CWC22: variants seen among roughly 807,000 people sequenced by gnomAD.
The protein encoded by CWC22 is pre-mRNA-splicing factor CWC22 homolog.
CWC22 carries 53 observed loss-of-function variants against 117.2 expected under a neutral mutation model. The observed-to-expected ratio is 0.45, with a 90% CI of 0.36 to 0.57. The LOEUF (loss-of-function observed/expected upper bound fraction) is 0.57, where lower values mean the gene tolerates loss of function less well. Ranked by LOEUF, CWC22 falls within the 20% of genes least tolerant of loss-of-function variation. The pLI, the probability that CWC22 is intolerant of heterozygous loss-of-function variation, is 0.00. For missense variants in CWC22, 980 were observed against 1,068.8 expected (o/e 0.92, Z 1.16); for synonymous variants, 360 against 355.6 (o/e 1.01, Z -0.14).
intron 11 of CWC22, among the ~76,000 whole-genome samples, chr2:179,969,033 A>T (rs1027034085): frequency 6.6e-6 from 1 of 152,196 alleles, no homozygotes; most frequent in Non-Finnish European, 1.5e-5. Flanking sequence ...GGAGTTGCCA[A>T]TAATTTTCAA....
chr2:179,983,842 C>G (rs2105543817), intron 4 of CWC22, among the ~76,000 whole-genome samples: 1 of 152,228 alleles, frequency 6.6e-6, no homozygotes, highest in East Asian at 1.9e-4. Context: ...TGTGAATATA[C>G]ATGTTCCAAG....
Position 179,970,860 on chromosome 2 carries a change from A to G in CWC22, c.941-4T>C. On this transcript the variant is annotated splice_region_variant and splice_polypyrimidine_tract_variant and intron_variant, in intron 9 of 19. Transcript: ENST00000410053. Reference sequence around the variant, plus strand: ...TTTCGAAGGCGTTCAAATATAGCTAAAAGTTAACAGAAAGAAAAGACAATA... The same window carrying G: ...TTTCGAAGGCGTTCAAATATAGCTAGAAGTTAACAGAAAGAAAAGACAATA... The G allele has an allele frequency of 6.2e-7, 1 of 1,612,010 alleles. No homozygotes were observed. The highest frequency in any genetic ancestry group is 8.5e-7 in the Non-Finnish European group (1 of 1,178,554).
chr2:179,978,378 G>C, intron 5 of CWC22, 60 bp from the exon 6 acceptor site: 1 of 1,367,616 alleles, frequency 7.3e-7, no homozygotes. Context: ...GAAGCTATAA[G>C]AACATAAAAA....
At position 179,954,284 on chromosome 2, in the gene CWC22, T is replaced by C; in HGVS notation, c.1610A>G (p.His537Arg). The change falls in exon 16 of 20, where the codon CAT becomes CGT. Residue 537 changes from histidine to arginine, a missense_variant. Physicochemically the swap from His to Arg is conservative, Grantham distance 29. Coordinates refer to ENST00000410053, the MANE Select transcript of CWC22 (RefSeq NM_020943.3). ...GIFKEQYDTIHRLETNKLRNV... is the reference protein window; with the variant it reads ...GIFKEQYDTIRRLETNKLRNV... Reference sequence around the variant, plus strand: ...TCGCAACTTGTTTGTTTCCAAGCGATGGATGGTATCATACTGTTCTTTGAA... The same window carrying C: ...TCGCAACTTGTTTGTTTCCAAGCGACGGATGGTATCATACTGTTCTTTGAA... 6.2e-7 allele frequency: 1 copy of C among 1,610,838 alleles called. No individual in the cohort carries two copies. Among genetic ancestry groups the C allele is most frequent in the Non-Finnish European group, 8.5e-7 (1 of 1,177,560 alleles).
At chr2:179,969,683 A>G (rs997275315) in intron 11 of CWC22, among the ~76,000 whole-genome samples, 1 of 152,186 alleles carries the variant, frequency 6.6e-6, no homozygotes, top group Admixed American at 6.5e-5. Flanking sequence ...TTTAATACAA[A>G]CTTTTGGGGT....
chr2:179,958,398 T>C (rs987946909), intron 14 of CWC22, among the ~76,000 whole-genome samples: 2 of 151,554 alleles, frequency 1.3e-5, no homozygotes, highest in South Asian at 2.1e-4. Context: ...TAGAGCAATG[T>C]AATATGTGCT....
intron 11 of CWC22, among the ~76,000 whole-genome samples, chr2:179,967,198 C>T (rs915398687): frequency 3.3e-5 from 5 of 152,194 alleles, no homozygotes; most frequent in African/African-American, 1.2e-4. Flanking sequence ...ATTACTAAAG[C>T]TGTGCCCACT....
chr2:179,950,703 G>T lies in CWC22; in HGVS notation c.1949C>A (p.Thr650Lys), dbSNP rs764144379. 6.2e-7 allele frequency: 1 copy of T among 1,613,542 alleles called. No individual in the cohort carries two copies. Among genetic ancestry groups the T allele is most frequent in the East Asian group, 2.2e-5 (1 of 44,874 alleles). The change falls in exon 19 of 20, where the codon ACA (threonine) becomes AAA (lysine). Residue 650 changes from threonine to lysine, a missense_variant. This residue lies in a region of CWC22 where 306 missense variants were observed against 296.8 expected (regional missense o/e 1.03). Coordinates refer to ENST00000410053, the MANE Select transcript of CWC22 (RefSeq NM_020943.3). Reference protein sequence around the residue: ...TDELREHLKNTPKVIVAQKPD... With the variant: ...TDELREHLKNKPKVIVAQKPD... ...TTTCTGCGCCACAATGACCTTTGGT[G>T]TATTTTTGAGATGCTCCCGCAGTTC...
At position 179,945,596 on chromosome 2, in the gene CWC22, G is replaced by C. The variant is rs779803298; in HGVS notation, c.2260C>G (p.Gln754Glu). The change falls in exon 20 of 20, where the codon CAG becomes GAG. Residue 754 changes from glutamine (Q) to glutamate (E), a missense_variant. Physicochemically the swap from Gln to Glu is conservative, Grantham distance 29. Coordinates refer to ENST00000410053, the MANE Select transcript of CWC22 (RefSeq NM_020943.3). ...QKERRQEHGH[Q>E]ETRTERERRS... ...CTTTCTCTCTCAGTCCTTGTTTCCT[G>C]GTGCCCGTGTTCTTGTCTTCTTTCT... is the stretch of plus-strand genomic sequence containing the variant. 6.2e-7 allele frequency: 1 copy of C among 1,613,390 alleles called. No homozygotes were observed. The highest frequency in any genetic ancestry group is 8.5e-7 in the Non-Finnish European group (1 of 1,179,642).
At chr2:180,004,270 G>A (rs1306354865) in intron 1 of CWC22, among the ~76,000 whole-genome samples, 1 of 152,162 alleles carries the variant, frequency 6.6e-6, no homozygotes, top group Admixed American at 6.5e-5. Flanking sequence ...GTTAAGGCAT[G>A]GGCATCTGAA....
At chr2:180,002,652 G>GTGCTACAACAA (rs1313723021) in intron 1 of CWC22, among the ~76,000 whole-genome samples, 15 of 152,192 alleles carry the variant, frequency 9.9e-5, no homozygotes, top group Admixed American at 9.8e-4. Context: ...AAATGTCTAA[G>GTGCTACAACAA]TGCTACAACA....
chr2:179,969,310 A>G (rs951246694), intron 11 of CWC22, among the ~76,000 whole-genome samples: 6 of 152,106 alleles, frequency 3.9e-5, no homozygotes, highest in Admixed American at 6.6e-5. Flanking sequence ...ATGAAATTAT[A>G]ACAGAAAAAA....
intron 5 of CWC22, among the ~76,000 whole-genome samples, chr2:179,981,264 C>T (rs559646206): frequency 6.6e-6 from 1 of 152,278 alleles, no homozygotes; most frequent in South Asian, 2.1e-4. Flanking sequence ...TGACTATTTT[C>T]ACATTTCAAG....
rs751440645 is a variant in CWC22, at chr2:179,965,974, C to A, written c.1219G>T (p.Asp407Tyr). The A allele has an allele frequency of 1.2e-6, 2 of 1,609,438 alleles. No homozygotes were observed. Among genetic ancestry groups the A allele is most frequent in the Non-Finnish European group, 8.5e-7 (1 of 1,177,220 alleles). ...GTGTTCGAGTCAGTATCTCCCTCAT[C>A]AAGAATTTCTGTAAAGTACAAAGTA... ...KYKAIKKEIL[D>Y]EGDTDSNTDQ... The change falls in exon 12 of 20, where the codon GAT (aspartate) becomes TAT (tyrosine). Residue 407 changes from aspartate (D) to tyrosine (Y), a missense_variant. Transcript: ENST00000410053.
chr2:179,964,724 G>C (rs1206644699), intron 12 of CWC22, 96 bp from the exon 13 acceptor site: 3 of 581,296 alleles, frequency 5.2e-6, no homozygotes. Context: ...AATCTATTTA[G>C]AATCAATACA....
Position 179,978,319 on chromosome 2 carries a change from C to A in CWC22, c.453-1G>T. 6.8e-7 allele frequency: 1 copy of A among 1,470,088 alleles called. No individual in the cohort carries two copies. Among genetic ancestry groups the A allele is most frequent in the South Asian group, 1.5e-5 (1 of 66,124 alleles). The allele number at this position is 1,470,088 out of a possible 1,614,324, so 91.1% of individuals were successfully genotyped here. A position where few individuals can be genotyped will look rare whatever the true frequency, so the allele number is the denominator to read the frequency against. ...CCAACTCATCCTCTGGTATGCTAAG[C>A]TAAAAAGAAGTGATTTTAATAAAGA... On this transcript the variant is annotated splice_acceptor_variant, in intron 5 of 19. Coordinates refer to ENST00000410053, the MANE Select transcript of CWC22 (RefSeq NM_020943.3). LOFTEE classifies it high-confidence loss of function.
intron 11 of CWC22, among the ~76,000 whole-genome samples, chr2:179,968,557 G>A (rs1190063266): frequency 6.7e-6 from 1 of 150,282 alleles, no homozygotes; most frequent in Admixed American, 6.6e-5. Flanking sequence ...AATTTGTTTT[G>A]TAAAATAACA....
At chr2:179,964,738 T>G (rs571617274) in intron 12 of CWC22, 110 bp from the exon 13 acceptor site, 23 of 558,986 alleles carry the variant, frequency 4.1e-5, no homozygotes, top group Admixed American at 2.8e-4. Context: ...CAATACAAAT[T>G]TAATAATATT....
Position 179,973,365 on chromosome 2 carries a change from A to G in CWC22, c.751-119T>C, listed in dbSNP as rs867406256. ...CATGTACCACACAAGTATAATTTTTACATTATAAGAAAGTTACAAAATAAA... is the reference window on the plus strand; with the variant it reads ...CATGTACCACACAAGTATAATTTTTGCATTATAAGAAAGTTACAAAATAAA... On this transcript the variant is annotated intron_variant, in intron 7 of 19. Coordinates refer to ENST00000410053, the MANE Select transcript of CWC22 (RefSeq NM_020943.3). 3 of 721,118 alleles carry G rather than the reference A, an allele frequency of 4.2e-6. No individual in the cohort carries two copies. The Middle Eastern group carries it at 1.1e-3, about 259-fold the overall frequency. 44.7% of individuals were successfully genotyped at this position (721,118 alleles called of 1,614,324 possible).
Sources: allele counts gnomAD v4.1 joint callset (sites outside exome capture counted in the v4.1 genomes callset), GRCh38; gene constraint gnomAD v4.1.1; regional missense constraint gnomAD v4.1.1; transcripts MANE v1.5; gene names NCBI Gene and HGNC (gene_info 2026-07-23, HGNC 2026-07-21).